Variants in RUNX2 observed in about 807,000 individuals in gnomAD.
RUNX2 encodes the protein runt-related transcription factor 2.
In RUNX2, 10 loss-of-function variants were observed where a neutral mutation model predicts 51.7. That is an observed-to-expected ratio of 0.19 (90% confidence interval 0.12 to 0.33). The LOEUF (loss-of-function observed/expected upper bound fraction) is 0.33, where lower values mean the gene tolerates loss of function less well. Among genes scored for constraint, RUNX2 ranks in the 10% least tolerant of loss-of-function variants. The pLI is 1.00. For missense variants in RUNX2, 562 were observed against 691.3 expected, an observed-to-expected ratio of 0.81 and a Z score of 2.10; for synonymous variants, 276 against 273.6, an observed-to-expected ratio of 1.01 and a Z score of -0.09.
At chr6:45,519,790 ATGTGTGTGTGTGTGTGTGTGTGTGTGTG>A (rs35210688) in intron 7 of RUNX2, among the ~76,000 whole-genome samples, 1 of 124,086 alleles carries the variant, frequency 8.1e-6, no homozygotes, top group African/African-American at 3.1e-5. Context: ...ATATATATAT[ATGTGTGTGTGTGTGTGTGTGTGTGTGTG>A]TGTGTGTGTG....
intron 3 of RUNX2, among the ~76,000 whole-genome samples, chr6:45,424,247 C>T (rs1798323031): frequency 6.6e-6 from 1 of 152,220 alleles, no homozygotes; most frequent in South Asian, 2.1e-4. Flanking sequence ...GATGGCTCTC[C>T]ATAACCCGAT....
rs1456824743 is a variant in RUNX2 at position 45,549,795 on chromosome 6, T to A, written c.*2490T>A. The A allele has an allele frequency of 6.5e-6, 1 of 154,370 alleles. No homozygotes were observed. The highest frequency in any genetic ancestry group is 1.4e-5 in the Non-Finnish European group (1 of 69,270). 9.6% of individuals were successfully genotyped at this position (154,370 alleles called of 1,614,324 possible). ...TTACAGTACACATACCGAGTGACTT[T>A]AGGGATGCTTTTGTGTTGAAATGTT... is the stretch of plus-strand genomic sequence containing the variant. On this transcript the variant is annotated 3_prime_UTR_variant, in exon 9 of 9. Coordinates refer to ENST00000647337, the MANE Select transcript of RUNX2 (RefSeq NM_001024630.4).
In RUNX2 at chr6:45,330,062, G is replaced by C. The variant is rs75476515; in HGVS notation, c.58+1278G>C. On this transcript the variant is annotated intron_variant, in intron 2 of 8. Transcript: ENST00000647337. ...AGGTCAAACAGAAATAATTAAACCT[G>C]AAGGGAGAAAAAATGGTTTCTCTTA... Among the ~76,000 whole-genome samples the C allele has an allele frequency of 7.6e-4, 116 of 151,732 alleles. No individual in the cohort carries two copies. In the East Asian group the frequency reaches 0.022, roughly 29 times the overall value.
intron 2 of RUNX2, among the ~76,000 whole-genome samples, chr6:45,406,320 G>A (rs1386357891): frequency 6.6e-6 from 1 of 152,168 alleles, no homozygotes; most frequent in African/African-American, 2.4e-5. Context: ...GTAGTAAGTG[G>A]TGTGTTCTGG....
chr6:45,510,776 T>G (rs1386653415), intron 6 of RUNX2, among the ~76,000 whole-genome samples: 1 of 151,968 alleles, frequency 6.6e-6, no homozygotes, highest in East Asian at 1.9e-4. Flanking sequence ...AAATAATTAA[T>G]GCCTATTAAG....
At chr6:45,354,117 A>AT (rs1792639608) in intron 2 of RUNX2, among the ~76,000 whole-genome samples, 1 of 152,160 alleles carries the variant, frequency 6.6e-6, no homozygotes, top group South Asian at 2.1e-4. Context: ...TGTAGGAAAA[A>AT]TTAGGAAGTT....
chr6:45,335,855 G>A (rs1290351169), intron 2 of RUNX2, among the ~76,000 whole-genome samples: 1 of 151,252 alleles, frequency 6.6e-6, no homozygotes, highest in Non-Finnish European at 1.5e-5. Flanking sequence ...AATCTGTAAA[G>A]CATTTCGGTA....
At chr6:45,366,952 A>T (rs760916832) in intron 2 of RUNX2, among the ~76,000 whole-genome samples, 3 of 152,126 alleles carry the variant, frequency 2.0e-5, no homozygotes, top group Non-Finnish European at 2.9e-5. Context: ...ATATCTTTCT[A>T]ATCTAACCAC....
At position 45,380,680 on chromosome 6, in the gene RUNX2, G is replaced by A. The variant is rs145419047; in HGVS notation, c.59-41913G>A. 2.4e-3 allele frequency among the ~76,000 whole-genome samples: 369 copies of A among 152,264 alleles called. 12 individuals are homozygous for A. In the East Asian group the frequency reaches 0.064, roughly 26 times the overall value. On this transcript the variant is annotated intron_variant, in intron 2 of 8. Transcript: ENST00000647337. ...CAACTTCCTCTTCCCCAATTCAAGC[G>A]ATTCTTCTGCCTCAGCCTCCTGAGT...
At chr6:45,372,464 G>A (rs1043360646) in intron 2 of RUNX2, among the ~76,000 whole-genome samples, 1 of 152,206 alleles carries the variant, frequency 6.6e-6, no homozygotes, top group South Asian at 2.1e-4. Context: ...TATGAATAAA[G>A]TGAAATATAC....
chr6:45,390,938 G>A (rs1306790772), intron 2 of RUNX2, among the ~76,000 whole-genome samples: 2 of 151,982 alleles, frequency 1.3e-5, no homozygotes, highest in Non-Finnish European at 2.9e-5. Flanking sequence ...TTATAGATTG[G>A]CTTTAGACTC....
chr6:45,547,108 C>T lies in RUNX2; in HGVS notation c.1369C>T (p.Pro457Ser), dbSNP rs746700872. ...CACTTCGTCAGGATCCTATCAGTTT[C>T]CCATGGTGCCGGGGGGAGACCGGTC... is the stretch of plus-strand genomic sequence containing the variant. The part of the protein sequence containing the change: ...YGTSSGSYQF[P>S]MVPGGDRSPS... The change falls in exon 9 of 9, where the codon CCC (proline) becomes TCC (serine). Residue 457 changes from proline (P) to serine (S), a missense_variant. Pro to Ser is a moderately conservative substitution (Grantham distance 74, BLOSUM62 -1). Coordinates refer to ENST00000647337, the MANE Select transcript of RUNX2 (RefSeq NM_001024630.4). 10 of 1,614,154 alleles carry T rather than the reference C, an allele frequency of 6.2e-6. No homozygotes were observed. The highest frequency in any genetic ancestry group is 8.5e-6 in the Non-Finnish European group (10 of 1,180,020).
intron 5 of RUNX2, among the ~76,000 whole-genome samples, chr6:45,491,645 T>TTA (rs1800475137): frequency 1.3e-5 from 2 of 149,108 alleles, no homozygotes; most frequent in Non-Finnish European, 3.0e-5. Context: ...TTTTTTTTTT[T>TTA]ACTGAGAGGG....
At chr6:45,338,009 T>A (rs575570509) in intron 2 of RUNX2, among the ~76,000 whole-genome samples, 3 of 152,118 alleles carry the variant, frequency 2.0e-5, no homozygotes, top group Admixed American at 2.0e-4. Context: ...ACATTAATCA[T>A]GGAACCTATA....
At chr6:45,450,713 G>C (rs1799144105) in intron 5 of RUNX2, among the ~76,000 whole-genome samples, 2 of 152,116 alleles carry the variant, frequency 1.3e-5, no homozygotes, top group African/African-American at 4.8e-5. Context: ...AGGAAGAGTT[G>C]GGGGAAGAGA....
chr6:45,543,073 T>C (rs1802281268), intron 7 of RUNX2, among the ~76,000 whole-genome samples: 1 of 152,236 alleles, frequency 6.6e-6, no homozygotes, highest in Admixed American at 6.5e-5. Context: ...TGAAGTCATT[T>C]TTTATTTATC....
At position 45,455,302 on chromosome 6, in the gene RUNX2, T is replaced by C. The variant is rs7775929; in HGVS notation, c.685+17251T>C. ...AACTGTAGAAATTCAGGGAAATTCT[T>C]CTTTTTTAAGTTTTATTTCATTTTT... On this transcript the variant is annotated intron_variant, in intron 5 of 8. Coordinates refer to ENST00000647337, the MANE Select transcript of RUNX2 (RefSeq NM_001024630.4). Among the ~76,000 whole-genome samples, 1,474 of 152,328 alleles carry C rather than the reference T, an allele frequency of 9.7e-3. 24 individuals are homozygous for C. The highest frequency in any genetic ancestry group is 0.033 in the African/African-American group (1,362 of 41,572).
At chr6:45,423,902 T>TCGCCC (rs1275791233) in intron 3 of RUNX2, among the ~76,000 whole-genome samples, 1 of 152,212 alleles carries the variant, frequency 6.6e-6, no homozygotes, top group Admixed American at 6.5e-5. Flanking sequence ...GCTCTGCGCC[T>TCGCCC]CGCCCCGCCA....
chr6:45,513,901 C>T (rs572890006), intron 7 of RUNX2, among the ~76,000 whole-genome samples: 13 of 152,252 alleles, frequency 8.5e-5, no homozygotes, highest in Non-Finnish European at 1.5e-4. Flanking sequence ...AAGGCTGATG[C>T]GGGATTAAAA....
Sources: allele counts gnomAD v4.1 joint callset (sites outside exome capture counted in the v4.1 genomes callset), GRCh38; gene constraint gnomAD v4.1.1; transcripts MANE v1.5; gene names NCBI Gene and HGNC (gene_info 2026-07-23, HGNC 2026-07-21).